Variants in ABCB5 observed in about 807,000 individuals in gnomAD.
ABCB5 encodes ATP binding cassette subfamily B member 5.
Under a neutral mutation model 144.2 loss-of-function variants are expected in ABCB5, and 155 were observed. That is an observed-to-expected ratio of 1.08 (90% CI 0.94 to 1.23). ABCB5 has a LOEUF of 1.23. Among genes scored for constraint, ABCB5 ranks in the 50% most tolerant of loss-of-function variants. The pLI is 0.00. For missense variants in ABCB5, 1,830 were observed against 1,520.8 expected, an observed-to-expected ratio of 1.20 and a Z score of -3.38; for synonymous variants, 610 against 528.6, an observed-to-expected ratio of 1.15 and a Z score of -2.11.
At chr7:20,697,090 C>A (rs1786444681) in intron 16 of ABCB5, among the ~76,000 whole-genome samples, 1 of 152,094 alleles carries the variant, frequency 6.6e-6, no homozygotes, top group Non-Finnish European at 1.5e-5. Context: ...TTTGTACATT[C>A]TTTTGAACAG....
intron 15 of ABCB5, 25 bp downstream of exon 15, chr7:20,681,691 A>G (rs1465708900): frequency 1.9e-6 from 3 of 1,607,470 alleles, no homozygotes; most frequent in Non-Finnish European, 2.6e-6. Flanking sequence ...ACATAATGCT[A>G]TGTCAGCAGG....
intron 20 of ABCB5, among the ~76,000 whole-genome samples, chr7:20,707,340 T>G (rs1312568059): frequency 6.6e-6 from 1 of 152,150 alleles, no homozygotes; most frequent in Non-Finnish European, 1.5e-5. Context: ...TGAAATAGAG[T>G]CATAGGACAA....
chr7:20,754,513 G>C (rs1170114880), intron 27 of ABCB5, among the ~76,000 whole-genome samples: 1 of 152,092 alleles, frequency 6.6e-6, no homozygotes, highest in Admixed American at 6.6e-5. Context: ...TCCATCTTGG[G>C]AACATTTTAT....
At chr7:20,732,844 C>A (rs1782266115) in intron 23 of ABCB5, among the ~76,000 whole-genome samples, 1 of 152,160 alleles carries the variant, frequency 6.6e-6, no homozygotes, top group African/African-American at 2.4e-5. Context: ...GATACAACCT[C>A]AAAATCATGC....
At chr7:20,745,461 G>A in intron 26 of ABCB5, 23 bp downstream of exon 26, 1 of 1,611,934 alleles carries the variant, frequency 6.2e-7, no homozygotes, top group Non-Finnish European at 8.5e-7. Flanking sequence ...CTGAAATCTT[G>A]AATTATAAAG....
At chr7:20,626,406 C>A (rs962161188) in intron 2 of ABCB5, 151 bp from the exon 3 acceptor site, 1 of 603,148 alleles carries the variant, frequency 1.7e-6, no homozygotes, top group Non-Finnish European at 2.8e-6. Context: ...CCAGTGACAA[C>A]TGTCTATCAT....
chr7:20,624,618 A>T (rs553843860), intron 2 of ABCB5, among the ~76,000 whole-genome samples: 1 of 152,208 alleles, frequency 6.6e-6, no homozygotes, highest in Non-Finnish European at 1.5e-5. Context: ...AGTGAGATAT[A>T]GGTGTGGGGT....
At chr7:20,680,563 C>G (rs901314411) in intron 14 of ABCB5, among the ~76,000 whole-genome samples, 11 of 145,616 alleles carry the variant, frequency 7.6e-5, no homozygotes, top group Middle Eastern at 7.0e-3. Context: ...GAGCCAGACT[C>G]CGTCTCAAAA....
At chr7:20,671,676 T>C (rs1785463375) in intron 14 of ABCB5, among the ~76,000 whole-genome samples, 1 of 152,254 alleles carries the variant, frequency 6.6e-6, no homozygotes, top group Non-Finnish European at 1.5e-5. Context: ...TGATAAATGG[T>C]ATTCTACTTA....
At chr7:20,642,498 C>G (rs534563363) in intron 5 of ABCB5, among the ~76,000 whole-genome samples, 14 of 152,264 alleles carry the variant, frequency 9.2e-5, no homozygotes, top group Non-Finnish European at 4.4e-5. Flanking sequence ...TGGCCTATCC[C>G]CCGTTTACTT....
At chr7:20,645,419 T>C (rs1408460057) in intron 7 of ABCB5, among the ~76,000 whole-genome samples, 2 of 152,236 alleles carry the variant, frequency 1.3e-5, no homozygotes, top group Non-Finnish European at 2.9e-5. Flanking sequence ...GCAATAGTTA[T>C]GAATTCACAG....
chr7:20,628,734 T>G lies in ABCB5; in HGVS notation c.155T>G (p.Ile52Arg), dbSNP rs1210009589. The G allele has an allele frequency of 6.2e-7, 1 of 1,613,722 alleles. No homozygotes were observed. The highest frequency in any genetic ancestry group is 8.5e-7 in the Non-Finnish European group (1 of 1,179,820). The change falls in exon 4 of 28, where the codon ATA becomes AGA. Residue 52 changes from isoleucine (I) to arginine (R), a missense_variant. Transcript: ENST00000404938. Reference sequence around the variant, plus strand: ...GACATCACACTCATGATCCTGGGTATACTGGCATCACTGGTCAATGGAGCC... The same window carrying G: ...GACATCACACTCATGATCCTGGGTAGACTGGCATCACTGGTCAATGGAGCC... Reference protein sequence around the residue: ...GLDITLMILGILASLVNGACL... With the variant: ...GLDITLMILGRLASLVNGACL...
At chr7:20,653,597 A>G (rs1784673339) in intron 13 of ABCB5, among the ~76,000 whole-genome samples, 1 of 152,224 alleles carries the variant, frequency 6.6e-6, no homozygotes, top group African/African-American at 2.4e-5. Flanking sequence ...TTCCTAACAG[A>G]GAGGAATCTC....
chr7:20,619,570 T>C (rs1005016832), intron 1 of ABCB5, among the ~76,000 whole-genome samples: 1 of 152,192 alleles, frequency 6.6e-6, no homozygotes, highest in African/African-American at 2.4e-5. Context: ...TTATAGATTC[T>C]AGATATTAGA....
At chr7:20,625,585 G>A (rs565275530) in intron 2 of ABCB5, among the ~76,000 whole-genome samples, 2 of 152,104 alleles carry the variant, frequency 1.3e-5, no homozygotes, top group Non-Finnish European at 2.9e-5. Context: ...GTTACTAAAG[G>A]TTAAAAATTG....
chr7:20,632,292 C>T (rs947636320), intron 5 of ABCB5, among the ~76,000 whole-genome samples, 179 bp downstream of exon 5: 3 of 152,008 alleles, frequency 2.0e-5, no homozygotes, highest in Non-Finnish European at 4.4e-5. Context: ...ATTTTTTCTT[C>T]TACTTGAAAG....
chr7:20,739,177 T>C (rs769398286), intron 24 of ABCB5, 38 bp downstream of exon 24: 16 of 1,519,950 alleles, frequency 1.1e-5, no homozygotes, highest in Admixed American at 2.1e-5. Context: ...CAAATAAAGA[T>C]GGCAACAGTA....
intron 5 of ABCB5, 42 bp downstream of exon 5, chr7:20,632,155 T>A: frequency 7.5e-7 from 1 of 1,339,454 alleles, no homozygotes; most frequent in Non-Finnish European, 1.0e-6. Context: ...CGTTGAATGA[T>A]GCTTTATTTA....
chr7:20,733,182 CATTATT>C (rs374670890), intron 23 of ABCB5, among the ~76,000 whole-genome samples: 1 of 151,010 alleles, frequency 6.6e-6, no homozygotes, highest in Admixed American at 6.6e-5. Flanking sequence ...ACTCAACGTA[CATTATT>C]ATTATTATTA....
Sources: allele counts gnomAD v4.1 joint callset (sites outside exome capture counted in the v4.1 genomes callset), GRCh38; gene constraint gnomAD v4.1.1; transcripts MANE v1.5; gene names NCBI Gene and HGNC (gene_info 2026-07-23, HGNC 2026-07-21).